Variants in SMCHD1 observed in about 807,000 individuals in gnomAD.
SMCHD1 encodes structural maintenance of chromosomes flexible hinge domain-containing protein 1.
A neutral mutation model predicts 254.7 loss-of-function variants in SMCHD1; 78 were observed. The observed-to-expected ratio is 0.31, with a 90% confidence interval of 0.26 to 0.37. The LOEUF (loss-of-function observed/expected upper bound fraction) is 0.37, where lower values mean the gene tolerates loss of function less well. Among genes scored for constraint, SMCHD1 ranks in the 10% least tolerant of loss-of-function variants. The pLI, the probability that SMCHD1 is intolerant of heterozygous loss-of-function variation, is 1.00. For missense variants in SMCHD1, 1,840 were observed against 2,408.1 expected, an observed-to-expected ratio of 0.76 and a Z score of 4.94; for synonymous variants, 766 against 794.9, an observed-to-expected ratio of 0.96 and a Z score of 0.61.
chr18:2,688,841 GT>G, intron 7 of SMCHD1, 94 bp downstream of exon 7: 2 of 786,234 alleles, frequency 2.5e-6, no homozygotes, highest in Non-Finnish European at 3.7e-6. Flanking sequence ...TTCAAAATGA[GT>G]TACCCTTTCC....
rs746148722 is a variant in SMCHD1 at position 2,688,499 on chromosome 18, A to G, written c.744A>G (p.Gln248=). The G allele has an allele frequency of 1.2e-5, 19 of 1,612,254 alleles. No individual in the cohort carries two copies. Among genetic ancestry groups the G allele is most frequent in the African/African-American group, 8.0e-5 (6 of 74,878 alleles). The part of the protein sequence containing the change: ...GGKQAVFFVG[Q]SARMISKPAD... Reference sequence around the variant, plus strand: ...AGCAAGCTGTCTTCTTTGTTGGACAATCAGCCAGAGTAAGTAAAAAGATTT... The same window carrying G: ...AGCAAGCTGTCTTCTTTGTTGGACAGTCAGCCAGAGTAAGTAAAAAGATTT... The change falls in exon 6 of 48, where the codon CAA becomes CAG. Residue 248 remains glutamine (Q), a synonymous_variant. Coordinates refer to ENST00000320876, the MANE Select transcript of SMCHD1 (RefSeq NM_015295.3).
intron 5 of SMCHD1, 112 bp from the exon 6 acceptor site, chr18:2,688,282 G>A: frequency 1.4e-6 from 1 of 705,952 alleles, no homozygotes. Context: ...CTTTCAGTTA[G>A]GGGTGTTTGC....
At position 2,697,869 on chromosome 18, in the gene SMCHD1, CA is replaced by C; in HGVS notation, c.1172del (p.Asn391ThrfsTer2). 1 of 1,613,332 alleles carries C rather than the reference CA, an allele frequency of 6.2e-7. No homozygotes were observed. The highest frequency in any genetic ancestry group is 8.5e-7 in the Non-Finnish European group (1 of 1,179,554). On this transcript the variant is annotated frameshift_variant, in exon 10 of 48. Transcript: ENST00000320876. LOFTEE classifies it high-confidence loss of function. ...AAAAAGGGAAGGTACCTAAGATTGT[CA>C]ACCTAAGGGAAATACAAGACGACAT... ...FEKGKVPKIV[N>X]LREIQDDMQT... is the part of the protein sequence containing the mutation.
intron 45 of SMCHD1, among the ~76,000 whole-genome samples, chr18:2,793,825 T>C (rs2076213640): frequency 6.6e-6 from 1 of 152,152 alleles, no homozygotes; most frequent in Non-Finnish European, 1.5e-5. Context: ...CACAGATGTG[T>C]ATATGTAATT....
chr18:2,783,889 A>G (rs1302908377), intron 44 of SMCHD1, among the ~76,000 whole-genome samples: 4 of 152,178 alleles, frequency 2.6e-5, no homozygotes, highest in African/African-American at 4.8e-5. Flanking sequence ...TTAATTCTTA[A>G]TTAACCCTTC....
At chr18:2,732,996 C>T (rs2075172884) in intron 25 of SMCHD1, among the ~76,000 whole-genome samples, 1 of 152,186 alleles carries the variant, frequency 6.6e-6, no homozygotes. Flanking sequence ...CTGCTGTCAT[C>T]TAAATATGAC....
intron 20 of SMCHD1, among the ~76,000 whole-genome samples, chr18:2,723,073 T>C (rs1487765852): frequency 6.6e-6 from 1 of 152,236 alleles, no homozygotes; most frequent in Non-Finnish European, 1.5e-5. Flanking sequence ...AAAAATGTTC[T>C]CAATCTTTTT....
chr18:2,706,853 G>A (rs2074526349), intron 15 of SMCHD1, among the ~76,000 whole-genome samples: 1 of 152,144 alleles, frequency 6.6e-6, no homozygotes, highest in South Asian at 2.1e-4. Context: ...AATTTATAAA[G>A]CAAGGAGGTT....
At chr18:2,710,790 A>G (rs960818239) in intron 17 of SMCHD1, among the ~76,000 whole-genome samples, 14 of 152,198 alleles carry the variant, frequency 9.2e-5, no homozygotes, top group Admixed American at 3.9e-4. Flanking sequence ...AGTTGAGTAC[A>G]TGCGATGTTA....
chr18:2,789,636 T>C (rs181931784), intron 45 of SMCHD1, among the ~76,000 whole-genome samples: 35 of 152,322 alleles, frequency 2.3e-4, no homozygotes, highest in Admixed American at 1.8e-3. Flanking sequence ...TCTCAACTTA[T>C]AATGGGGCTG....
At position 2,775,904 on chromosome 18, in the gene SMCHD1, G is replaced by T; in HGVS notation, c.5346G>T (p.Lys1782Asn). The change falls in exon 42 of 48, where the codon AAG (lysine) becomes AAT (asparagine). Residue 1782 changes from lysine to asparagine, a missense_variant. Transcript: ENST00000320876. ...TGCCCCTTGATTCTATTTACAAGAA[G>T]ACTCTTCCAGATTGGAAAAGGTTAG... is the stretch of plus-strand genomic sequence containing the variant. ...QVLPLDSIYK[K>N]TLPDWKRSLP... 1 of 1,591,554 alleles carries T rather than the reference G, an allele frequency of 6.3e-7. No individual in the cohort carries two copies. Among genetic ancestry groups the T allele is most frequent in the Non-Finnish European group, 8.5e-7 (1 of 1,172,842 alleles).
chr18:2,689,226 T>TA (rs1298212378), intron 7 of SMCHD1, among the ~76,000 whole-genome samples: 98 of 150,298 alleles, frequency 6.5e-4, no homozygotes, highest in Middle Eastern at 6.8e-3. Context: ...TTTTCTTTTT[T>TA]TTTTTTTTTG....
chr18:2,713,839 T>C (rs771523082), intron 17 of SMCHD1, among the ~76,000 whole-genome samples: 13 of 152,246 alleles, frequency 8.5e-5, no homozygotes, highest in Non-Finnish European at 1.5e-4. Flanking sequence ...AAGAAGTTAC[T>C]TGATATGATT....
At chr18:2,737,352 T>A (rs1015633384) in intron 25 of SMCHD1, among the ~76,000 whole-genome samples, 2 of 152,130 alleles carry the variant, frequency 1.3e-5, no homozygotes, top group African/African-American at 2.4e-5. Context: ...GTAACAAACT[T>A]GTATACGTAC....
intron 5 of SMCHD1, among the ~76,000 whole-genome samples, chr18:2,678,453 A>T (rs2073825751): frequency 6.6e-6 from 1 of 151,776 alleles, no homozygotes. Context: ...ACATGCTGGG[A>T]TTACAGGCAC....
chr18:2,764,623 A>G (rs1424740907), intron 37 of SMCHD1, among the ~76,000 whole-genome samples: 2 of 152,218 alleles, frequency 1.3e-5, no homozygotes, highest in Non-Finnish European at 2.9e-5. Flanking sequence ...TACTGAATAC[A>G]TACATTTTTC....
At chr18:2,710,434 C>T (rs181178195) in intron 17 of SMCHD1, among the ~76,000 whole-genome samples, 59 of 152,272 alleles carry the variant, frequency 3.9e-4, no homozygotes, top group Middle Eastern at 6.8e-3. Context: ...AACACCATTG[C>T]GATCCTGGTA....
chr18:2,775,628 A>T, intron 41 of SMCHD1, 106 bp from the exon 42 acceptor site: 1 of 769,322 alleles, frequency 1.3e-6, no homozygotes, highest in Non-Finnish European at 1.9e-6. Flanking sequence ...TTTTTAATTC[A>T]TGTGTTTCAG....
chr18:2,663,303 G>GA (rs1038775413), intron 1 of SMCHD1, among the ~76,000 whole-genome samples: 4 of 151,824 alleles, frequency 2.6e-5, no homozygotes, highest in Non-Finnish European at 5.9e-5. Flanking sequence ...GTAGAGATGG[G>GA]GTTTTACCAC....
Sources: gnomAD v4.1 joint callset for allele counts (sites outside exome capture counted in the v4.1 genomes callset) on GRCh38, gnomAD v4.1.1 for gene constraint, MANE v1.5 for transcripts, NCBI Gene and HGNC (gene_info 2026-07-23, HGNC 2026-07-21) for gene names.